Variants in DDX6 observed in about 807,000 individuals in gnomAD.
DDX6 encodes the protein probable ATP-dependent RNA helicase DDX6.
In DDX6, 7 loss-of-function variants were observed where a neutral mutation model predicts 60.6. That is an observed-to-expected ratio of 0.12 (90% CI 0.07 to 0.22). The LOEUF is 0.22. DDX6 is among the 10% of genes least tolerant of loss of function. DDX6 has a pLI of 1.00. For synonymous variants in DDX6, 207 were observed against 201.0 expected (o/e 1.03, Z -0.25); for missense variants, 270 against 589.9 (o/e 0.46, Z 5.62).
chr11:118,752,607 T>C (rs1860813582), intron 13 of DDX6, among the ~76,000 whole-genome samples: 1 of 152,042 alleles, frequency 6.6e-6, no homozygotes. Context: ...TCCTCGTCTC[T>C]ATTTAAAAAA....
intron 6 of DDX6, among the ~76,000 whole-genome samples, chr11:118,764,079 C>T (rs1861267310): frequency 1.3e-5 from 2 of 152,136 alleles, no homozygotes; most frequent in African/African-American, 2.4e-5. Context: ...GCAGAAGGCA[C>T]ACCAGACTTC....
At chr11:118,780,941 T>C (rs1463239928) in intron 3 of DDX6, among the ~76,000 whole-genome samples, 180 bp downstream of exon 3, 3 of 152,176 alleles carry the variant, frequency 2.0e-5, no homozygotes, top group Non-Finnish European at 4.4e-5. Flanking sequence ...TGCTGAGCAT[T>C]TGTTTTCTCA....
chr11:118,752,529 C>T (rs548722560), intron 13 of DDX6, among the ~76,000 whole-genome samples: 14 of 152,140 alleles, frequency 9.2e-5, no homozygotes, highest in African/African-American at 2.9e-4. Flanking sequence ...TCTCAGCACT[C>T]TGGGAGGCTG....
rs537968963 is a variant in DDX6 at position 118,748,498 on chromosome 11, G to A, written c.*3607C>T. ...TCATGAGGCCAATAATTTTGATAAAGGTATCTGGCAGGAAAATGATTCCAC... is the reference window on the plus strand; with the variant it reads ...TCATGAGGCCAATAATTTTGATAAAAGTATCTGGCAGGAAAATGATTCCAC... On this transcript the variant is annotated 3_prime_UTR_variant, in exon 14 of 14. Coordinates refer to ENST00000534980, the MANE Select transcript of DDX6 (RefSeq NM_004397.6). 3.3e-5 allele frequency: 5 copies of A among 152,166 alleles called. No homozygotes were observed. The highest frequency in any genetic ancestry group is 1.2e-4 in the African/African-American group (5 of 41,520). The allele number at this position is 152,166 out of a possible 1,614,324, so 9.4% of individuals were successfully genotyped here.
intron 4 of DDX6, among the ~76,000 whole-genome samples, chr11:118,778,279 C>A (rs1555164023): frequency 6.6e-6 from 1 of 152,060 alleles, no homozygotes; most frequent in Non-Finnish European, 1.5e-5. Flanking sequence ...TCACAAGATA[C>A]GAAGTTAAAT....
intron 4 of DDX6, among the ~76,000 whole-genome samples, chr11:118,769,017 T>C (rs1555161873): frequency 1.4e-5 from 1 of 70,484 alleles, no homozygotes; most frequent in Non-Finnish European, 2.8e-5. Flanking sequence ...AAAGGCTAGA[T>C]ACAGTGGCTC....
chr11:118,790,821 C>T (rs538676919), intron 1 of DDX6: 1 of 152,994 alleles, frequency 6.5e-6, no homozygotes, highest in African/African-American at 2.4e-5. Context: ...CCACAGCCCC[C>T]AAAGCACCGC....
chr11:118,784,932 G>C (rs1862024682), intron 2 of DDX6, among the ~76,000 whole-genome samples: 2 of 152,120 alleles, frequency 1.3e-5, no homozygotes, highest in African/African-American at 4.8e-5. Context: ...TTTTAGTAGA[G>C]ACGGGGTTTA....
intron 2 of DDX6, among the ~76,000 whole-genome samples, chr11:118,781,616 G>A (rs140464226): frequency 2.1e-3 from 325 of 152,210 alleles, no homozygotes; most frequent in African/African-American, 7.5e-3. Flanking sequence ...CACCATGGCC[G>A]GCTATTCTCA....
intron 4 of DDX6, among the ~76,000 whole-genome samples, chr11:118,772,058 A>T (rs1283775753): frequency 6.6e-6 from 1 of 152,212 alleles, no homozygotes; most frequent in Non-Finnish European, 1.5e-5. Context: ...TTCATAAATA[A>T]AACTTCATAA....
chr11:118,771,421 T>C (rs146392757), intron 4 of DDX6, among the ~76,000 whole-genome samples: 3 of 152,332 alleles, frequency 2.0e-5, no homozygotes, highest in Admixed American at 1.3e-4. Flanking sequence ...ACAAAGTACA[T>C]GTGATAGACT....
chr11:118,753,164 G>C (rs1361057989), intron 13 of DDX6, among the ~76,000 whole-genome samples: 2 of 151,974 alleles, frequency 1.3e-5, no homozygotes, highest in East Asian at 3.9e-4. Flanking sequence ...GACTAGCTGG[G>C]ATTACAGGCG....
rs1451516024 is a variant in DDX6 at position 118,772,323 on chromosome 11, AG to A, written c.370-3972del. Among the ~76,000 whole-genome samples the A allele has an allele frequency of 3.9e-5, 6 of 152,224 alleles. No homozygotes were observed. In the East Asian group the frequency reaches 1.2e-3, roughly 29 times the overall value. On this transcript the variant is annotated intron_variant, in intron 4 of 13. Coordinates refer to ENST00000534980, the MANE Select transcript of DDX6 (RefSeq NM_004397.6). ...TACAATAAAATATTATTCAGGAAAA[AG>A]GAATGGAATATTGATACAAGCTACA...
intron 2 of DDX6, 129 bp downstream of exon 2, chr11:118,785,923 C>A: frequency 1.2e-6 from 1 of 823,596 alleles, no homozygotes. Flanking sequence ...GGCCATAAAA[C>A]AAAGTCATCT....
intron 1 of DDX6, chr11:118,790,315 T>A (rs1025680062): frequency 2.0e-5 from 3 of 152,050 alleles, no homozygotes; most frequent in Non-Finnish European, 2.9e-5. Context: ...TGCAATCTTA[T>A]CTGCGCAATA....
chr11:118,775,861 T>C (rs1232716007), intron 4 of DDX6, among the ~76,000 whole-genome samples: 1 of 152,188 alleles, frequency 6.6e-6, no homozygotes, highest in Non-Finnish European at 1.5e-5. Context: ...CTAAGTGCAG[T>C]GGTTCACATC....
intron 4 of DDX6, among the ~76,000 whole-genome samples, chr11:118,772,796 T>C (rs1385364327): frequency 4.6e-5 from 7 of 152,200 alleles, no homozygotes; most frequent in African/African-American, 1.7e-4. Context: ...GTTACTCTAG[T>C]ATCCCTTTAC....
chr11:118,780,961 T>C (rs1565577409), intron 3 of DDX6, among the ~76,000 whole-genome samples, 160 bp downstream of exon 3: 2 of 152,162 alleles, frequency 1.3e-5, no homozygotes, highest in East Asian at 1.9e-4. Context: ...ATCCACAAAA[T>C]GGGAATATAT....
rs1860790851 is a variant in DDX6, at chr11:118,751,988, TAA to T, written c.*115_*116del. On this transcript the variant is annotated 3_prime_UTR_variant, in exon 14 of 14. Transcript: ENST00000534980. ...AAAAAAGAAAATGTCTGAGCTCTTT[TAA>T]GTCTTCATAGTTCCAAAATAAAAGA... 2.8e-6 allele frequency: 1 copy of T among 352,280 alleles called. No individual in the cohort carries two copies. Among genetic ancestry groups the T allele is most frequent in the African/African-American group, 2.2e-5 (1 of 45,284 alleles). 21.8% of individuals were successfully genotyped at this position (352,280 alleles called of 1,614,324 possible). A position where few individuals can be genotyped will look rare whatever the true frequency, so the allele number is the denominator to read the frequency against.
Sources: allele counts gnomAD v4.1 joint callset (sites outside exome capture counted in the v4.1 genomes callset), GRCh38; gene constraint gnomAD v4.1.1; transcripts MANE v1.5; gene names NCBI Gene and HGNC (gene_info 2026-07-23, HGNC 2026-07-21).